Variants in SNX4 observed in about 807,000 individuals in gnomAD.
SNX4 encodes sorting nexin-4.
A neutral mutation model predicts 70.8 loss-of-function variants in SNX4; 49 were observed. The ratio of observed to expected loss-of-function variants is 0.69; its 90% CI spans 0.55 to 0.88. The LOEUF is 0.88. SNX4 is among the 40% of genes least tolerant of loss of function. The pLI is 0.00. For synonymous variants in SNX4, 206 were observed against 183.8 expected (o/e 1.12, Z -0.98); for missense variants, 528 against 544.8 (o/e 0.97, Z 0.31).
intron 12 of SNX4, 127 bp downstream of exon 12, chr3:125,453,683 G>C (rs755441254): frequency 7.6e-5 from 66 of 863,022 alleles, no homozygotes; most frequent in Middle Eastern, 6.8e-4. Flanking sequence ...GCATTTTAAA[G>C]GAATAGGCTG....
chr3:125,489,180 C>T (rs573259196), intron 6 of SNX4, among the ~76,000 whole-genome samples: 22 of 152,204 alleles, frequency 1.4e-4, no homozygotes, highest in African/African-American at 5.3e-4. Flanking sequence ...TTAACAAACC[C>T]TTCTAGAAAA....
intron 9 of SNX4, among the ~76,000 whole-genome samples, chr3:125,462,030 G>A (rs991862981): frequency 2.6e-5 from 4 of 152,036 alleles, no homozygotes; most frequent in Non-Finnish European, 4.4e-5. Flanking sequence ...TCATTCCTGC[G>A]CATGAGTCTT....
rs1220016371 is a variant in SNX4 at position 125,504,668 on chromosome 3, G to A, written c.218C>T (p.Ala73Val). Residue 73 changes from alanine to valine, a missense_variant, in exon 2 of 14, where the codon GCC becomes GTC. Physicochemically the swap from Ala to Val is moderately conservative, Grantham distance 64. This residue lies in a region of SNX4 where 341 missense variants were observed against 312.2 expected (regional missense o/e 1.09). Coordinates refer to ENST00000251775, the MANE Select transcript of SNX4 (RefSeq NM_003794.4). ...AGTATATGTTTCTTGCATGTTCATG[G>A]CATTTCTTCCAGTTCGTTTTTCTGC... The part of the protein sequence containing the change: ...SEAEKRTGRN[A>V]MNMQETYTAY... 2.5e-6 allele frequency: 4 copies of A among 1,613,706 alleles called. No individual in the cohort carries two copies. The highest frequency in any genetic ancestry group is 3.4e-6 in the Non-Finnish European group (4 of 1,179,894).
chr3:125,481,820 A>C (rs1403048927), intron 6 of SNX4, among the ~76,000 whole-genome samples: 1 of 152,132 alleles, frequency 6.6e-6, no homozygotes, highest in East Asian at 1.9e-4. Context: ...CAGGAATCTG[A>C]ATCTGAATTT....
chr3:125,449,954 G>A (rs1446008835), intron 13 of SNX4, among the ~76,000 whole-genome samples: 1 of 152,148 alleles, frequency 6.6e-6, no homozygotes, highest in African/African-American at 2.4e-5. Context: ...ATTGGAAAAA[G>A]GACTGTACTA....
chr3:125,453,900 G>A lies in SNX4; in HGVS notation c.1100C>T (p.Thr367Ile), dbSNP rs199650513. The A allele has an allele frequency of 1.2e-4, 196 of 1,613,832 alleles. No homozygotes were observed. Among genetic ancestry groups the A allele is most frequent in the Non-Finnish European group, 1.6e-4 (193 of 1,179,966 alleles). Residue 367 changes from threonine (T) to isoleucine (I), a missense_variant, in exon 12 of 14, where the codon ACT becomes ATT. Around this residue, in one of 3 missense-constraint regions of SNX4, gnomAD observed 159 missense variants for 172.6 expected, o/e 0.92. Coordinates refer to ENST00000251775, the MANE Select transcript of SNX4 (RefSeq NM_003794.4). ...GMTTKLFGQE[T>I]PEQREARIKV... ...TATTCTGGCTTCTCTCTGCTCTGGA[G>A]TTTCTTGACCAAAGAGCTTGGTAGT...
At chr3:125,489,730 T>C (rs1934609092) in intron 5 of SNX4, among the ~76,000 whole-genome samples, 1 of 152,224 alleles carries the variant, frequency 6.6e-6, no homozygotes, top group Non-Finnish European at 1.5e-5. Context: ...CGAACAGGCA[T>C]ATAGCTCTGC....
At chr3:125,478,418 CTT>C (rs72363640) in intron 7 of SNX4, among the ~76,000 whole-genome samples, 1 of 145,482 alleles carries the variant, frequency 6.9e-6, no homozygotes. Flanking sequence ...TTTTTCTTTT[CTT>C]TTTTTTTTTT....
chr3:125,497,727 A>C lies in SNX4; in HGVS notation c.549+107T>G, dbSNP rs1001988806. 5 of 761,290 alleles carry C rather than the reference A, an allele frequency of 6.6e-6. No homozygotes were observed. The African/African-American group carries it at 8.9e-5, about 14-fold the overall frequency. The allele number at this position is 761,290 out of a possible 1,614,324, so 47.2% of individuals were successfully genotyped here. A position where few individuals can be genotyped will look rare whatever the true frequency, so the allele number is the denominator to read the frequency against. The stretch of plus-strand genomic sequence containing the variant: ...ATTAGAAATTCATAACAAAAAATAA[A>C]TTGCATATAAATTAATGAAAAGATC... On this transcript the variant is annotated intron_variant, in intron 4 of 13. Coordinates refer to ENST00000251775, the MANE Select transcript of SNX4 (RefSeq NM_003794.4).
chr3:125,476,705 G>T lies in SNX4; in HGVS notation c.778C>A (p.Arg260=). The T allele has an allele frequency of 6.3e-7, 1 of 1,589,516 alleles. No homozygotes were observed. Among genetic ancestry groups the T allele is most frequent in the South Asian group, 1.1e-5 (1 of 89,082 alleles). ...GVYKVHGNYG[R]VFSEWSAIEK... ...TTGTATGATGCTTACCTGAAAACTC[G>T]ACCATAATTCCCATGTACTTTATAT... Residue 260 remains arginine (R), a synonymous_variant, in exon 8 of 14, where the codon CGA becomes AGA. Transcript: ENST00000251775.
In SNX4 at chr3:125,489,413, TG is replaced by T; in HGVS notation, c.647del (p.Pro216GlnfsTer29). On this transcript the variant is annotated frameshift_variant, in exon 6 of 14. Transcript: ENST00000251775. LOFTEE classifies it high-confidence loss of function. The part of the protein sequence containing the change: ...ALNATFRVKN[P>X]DKRFTDLKHY... ...TTATTAAAACAAAACCTTACTTGTC[TG>T]GGTTTTTCACTCTGAATGTTGCATT... 1.9e-6 allele frequency: 3 copies of T among 1,612,218 alleles called. No individual in the cohort carries two copies. Among genetic ancestry groups the T allele is most frequent in the Non-Finnish European group, 2.5e-6 (3 of 1,178,698 alleles).
In SNX4 at chr3:125,503,229, A is replaced by C. The variant is rs1395668507; in HGVS notation, c.263+1394T>G. ...GCTAGGTTTGGTAGTCTATAATTTT[A>C]CCGGCTATCAACAATTCTCTCATAT... On this transcript the variant is annotated intron_variant, in intron 2 of 13. Transcript: ENST00000251775. 3.3e-5 allele frequency among the ~76,000 whole-genome samples: 5 copies of C among 152,254 alleles called. No homozygotes were observed. In the East Asian group the frequency reaches 9.7e-4, roughly 29 times the overall value.
chr3:125,496,464 A>C (rs1315175855), intron 5 of SNX4, among the ~76,000 whole-genome samples: 2 of 152,162 alleles, frequency 1.3e-5, no homozygotes, highest in African/African-American at 4.8e-5. Flanking sequence ...TACTGTAAAA[A>C]AATTTTCTTC....
At chr3:125,507,667 A>G (rs1185293462) in intron 1 of SNX4, among the ~76,000 whole-genome samples, 1 of 152,368 alleles carries the variant, frequency 6.6e-6, no homozygotes, top group East Asian at 1.9e-4. Context: ...TAAGGTTATC[A>G]GCAAATTTCT....
intron 5 of SNX4, among the ~76,000 whole-genome samples, chr3:125,495,250 T>TTATATATATACATATATA (rs1934758397): frequency 2.6e-5 from 1 of 38,166 alleles, no homozygotes; most frequent in Non-Finnish European, 6.2e-5. Context: ...CATTCTCTCT[T>TTATATATATACATATATA]TATATATATA....
Position 125,463,537 on chromosome 3 carries a change from A to C in SNX4, c.855-2677T>G, listed in dbSNP as rs149858945. 2.2e-3 allele frequency among the ~76,000 whole-genome samples: 338 copies of C among 152,348 alleles called. 1 individual carries two copies. Among genetic ancestry groups the C allele is most frequent in the African/African-American group, 7.9e-3 (327 of 41,580 alleles). On this transcript the variant is annotated intron_variant, in intron 9 of 13. Transcript: ENST00000251775. ...TTGGAAACATTGAAATGCCAAATCA[A>C]GAGACCACAGGACAACTTAGGGTTA...
At chr3:125,519,100 A>T (rs1935341282) in intron 1 of SNX4, among the ~76,000 whole-genome samples, 1 of 152,082 alleles carries the variant, frequency 6.6e-6, no homozygotes, top group Admixed American at 6.5e-5. Flanking sequence ...CTGAGGCAGG[A>T]GGATTGTTTG....
At chr3:125,513,332 T>C (rs1000016362) in intron 1 of SNX4, among the ~76,000 whole-genome samples, 3 of 152,238 alleles carry the variant, frequency 2.0e-5, no homozygotes, top group African/African-American at 7.2e-5. Context: ...CCTCGAAGAC[T>C]GTAAGCAATT....
intron 1 of SNX4, among the ~76,000 whole-genome samples, chr3:125,518,303 A>C (rs559959097): frequency 2.9e-3 from 435 of 151,626 alleles, no homozygotes; most frequent in Admixed American, 9.1e-3. Context: ...TACAAAAAAA[A>C]CCCCAAAACT....
Sources: gnomAD v4.1 joint callset for allele counts (sites outside exome capture counted in the v4.1 genomes callset) on GRCh38, gnomAD v4.1.1 for gene constraint, gnomAD v4.1.1 regional missense constraint, MANE v1.5 for transcripts, NCBI Gene and HGNC (gene_info 2026-07-23, HGNC 2026-07-21) for gene names.